Variants in GIMAP8 observed in about 807,000 individuals in gnomAD.
GIMAP8 encodes GTPase, IMAP family member 8.
Under a neutral mutation model 35.6 loss-of-function variants are expected in GIMAP8, and 29 were observed. The observed-to-expected ratio is 0.81, with a 90% CI of 0.61 to 1.11. GIMAP8 has a LOEUF of 1.11. Among genes scored for constraint, GIMAP8 ranks in the 50% most tolerant of loss-of-function variants. The probability of loss-of-function intolerance (pLI) is 0.00; values close to 1 mark genes in which losing one functional copy is unlikely to be tolerated. For synonymous variants in GIMAP8, 335 were observed against 308.7 expected, an observed-to-expected ratio of 1.09 and a Z score of -0.89; for missense variants, 811 against 805.0, an observed-to-expected ratio of 1.01 and a Z score of -0.09.
In GIMAP8 at chr7:150,477,529, G is replaced by C. The variant is rs1802265221; in HGVS notation, c.1747G>C (p.Asp583His). The C allele has an allele frequency of 1.2e-6, 2 of 1,614,096 alleles. No individual in the cohort carries two copies. The highest frequency in any genetic ancestry group is 1.3e-5 in the African/African-American group (1 of 74,918). The stretch of plus-strand genomic sequence containing the variant: ...TTTGGAAGACTTCATGAAGAACTCA[G>C]ATAACAAAGCCCTTCGGCGCATTTT... ...GNLEDFMKNS[D>H]NKALRRIFKK... The change falls in exon 5 of 5, where the codon GAT becomes CAT. Residue 583 changes from aspartate (D) to histidine (H), a missense_variant. Asp to His is a moderately conservative substitution (Grantham distance 81). Coordinates refer to ENST00000307271, the MANE Select transcript of GIMAP8 (RefSeq NM_175571.4).
chr7:150,468,804 A>G (rs1469669588), intron 2 of GIMAP8, among the ~76,000 whole-genome samples: 2 of 152,200 alleles, frequency 1.3e-5, no homozygotes, highest in Admixed American at 6.5e-5. Context: ...CTGAATGCCC[A>G]CTAAATTCCA....
intron 1 of GIMAP8, among the ~76,000 whole-genome samples, chr7:150,464,348 A>G (rs915238410): frequency 2.6e-5 from 4 of 152,212 alleles, no homozygotes; most frequent in Non-Finnish European, 5.9e-5. Context: ...ATATTTTACA[A>G]GAGAAGTTAT....
chr7:150,477,781 G>T lies in GIMAP8; in HGVS notation c.*1G>T, dbSNP rs1327843027. On this transcript the variant is annotated 3_prime_UTR_variant, in exon 5 of 5. Transcript: ENST00000307271. Reference sequence around the variant, plus strand: ...AAATTTAATAGGTATTTTACAATAGGTAGCCGAAGTGCCTGGGGTCTCTTC... The same window carrying T: ...AAATTTAATAGGTATTTTACAATAGTTAGCCGAAGTGCCTGGGGTCTCTTC... 6.2e-7 allele frequency: 1 copy of T among 1,609,414 alleles called. No homozygotes were observed. Among genetic ancestry groups the T allele is most frequent in the East Asian group, 2.2e-5 (1 of 44,844 alleles).
chr7:150,477,718 A>G lies in GIMAP8; in HGVS notation c.1936A>G (p.Asn646Asp). The change falls in exon 5 of 5, where the codon AAT (asparagine) becomes GAT (aspartate). Residue 646 changes from asparagine (N) to aspartate (D), a missense_variant. Asn to Asp is a conservative substitution (Grantham distance 23, BLOSUM62 1). Transcript: ENST00000307271. ...GGAGAACGTCAGCAAACTAATTAAAAATGTCCAGGAAATGTCCCAAGCCGA... is the reference window on the plus strand; with the variant it reads ...GGAGAACGTCAGCAAACTAATTAAAGATGTCCAGGAAATGTCCCAAGCCGA... ...TQENVSKLIK[N>D]VQEMSQAEKL... 6.2e-7 allele frequency: 1 copy of G among 1,614,144 alleles called. No individual in the cohort carries two copies. Among genetic ancestry groups the G allele is most frequent in the Non-Finnish European group, 8.5e-7 (1 of 1,180,022 alleles).
In GIMAP8 at chr7:150,451,340, G is replaced by A. The variant is rs913780598; in HGVS notation, c.-29+165G>A. On this transcript the variant is annotated intron_variant, in intron 1 of 4. Transcript: ENST00000307271. This position sits in a 1 kb window ranked among gnomAD's most constrained non-coding sequence, Gnocchi z 4.1. ...TGTGGGGGAGGATGGGCTTGGCACC[G>A]GGAAGGCAGCCTGCTCAGCCATGGG... Among the ~76,000 whole-genome samples, 3 of 152,184 alleles carry A rather than the reference G, an allele frequency of 2.0e-5. No homozygotes were observed. The highest frequency in any genetic ancestry group is 4.4e-5 in the Non-Finnish European group (3 of 68,024).
At position 150,478,525 on chromosome 7, in the gene GIMAP8, T is replaced by C. The variant is rs1802294811; in HGVS notation, c.*745T>C. ...TAGTAAGATTGCCAAAATCAGAGAATCTTGCAAAGTTCTGTAATTCTAAGT... is the reference window on the plus strand; with the variant it reads ...TAGTAAGATTGCCAAAATCAGAGAACCTTGCAAAGTTCTGTAATTCTAAGT... On this transcript the variant is annotated 3_prime_UTR_variant, in exon 5 of 5. Transcript: ENST00000307271. 1 of 152,206 alleles carries C rather than the reference T, an allele frequency of 6.6e-6. No homozygotes were observed. Among genetic ancestry groups the C allele is most frequent in the East Asian group, 1.9e-4 (1 of 5,206 alleles). The allele number at this position is 152,206 out of a possible 1,614,324, so 9.4% of individuals were successfully genotyped here.
At chr7:150,473,435 A>G (rs1333164158) in intron 3 of GIMAP8, among the ~76,000 whole-genome samples, 1 of 150,618 alleles carries the variant, frequency 6.6e-6, no homozygotes, top group African/African-American at 2.5e-5. Context: ...CCAAAGAGAA[A>G]CACTATCCAG....
At chr7:150,468,009 A>T (rs1302757072) in intron 2 of GIMAP8, among the ~76,000 whole-genome samples, 1 of 152,170 alleles carries the variant, frequency 6.6e-6, no homozygotes, top group East Asian at 1.9e-4. Flanking sequence ...GCTTCAGAAA[A>T]GGGCTGTGCT....
At position 150,468,045 on chromosome 7, in the gene GIMAP8, C is replaced by A. The variant is rs550072051; in HGVS notation, c.636+711C>A. On this transcript the variant is annotated intron_variant, in intron 2 of 4. Coordinates refer to ENST00000307271, the MANE Select transcript of GIMAP8 (RefSeq NM_175571.4). ...GTTCACCATGCTCTTTGTACCCACACCCCAGTGTCAGCTCTGCTACCCTGG... is the reference window on the plus strand; with the variant it reads ...GTTCACCATGCTCTTTGTACCCACAACCCAGTGTCAGCTCTGCTACCCTGG... 2.0e-5 allele frequency among the ~76,000 whole-genome samples: 3 copies of A among 152,338 alleles called. No individual in the cohort carries two copies. The East Asian group carries it at 5.8e-4, about 29-fold the overall frequency.
intron 1 of GIMAP8, among the ~76,000 whole-genome samples, chr7:150,465,699 G>A (rs1477361656): frequency 6.6e-6 from 1 of 152,222 alleles, no homozygotes; most frequent in African/African-American, 2.4e-5. Context: ...GCTGGAAACA[G>A]ATTGCAAAGA....
At position 150,466,972 on chromosome 7, in the gene GIMAP8, C is replaced by G. The variant is rs903724377; in HGVS notation, c.274C>G (p.Pro92Ala). Residue 92 changes from proline to alanine, a missense_variant, in exon 2 of 5, where the codon CCC becomes GCC. Coordinates refer to ENST00000307271, the MANE Select transcript of GIMAP8 (RefSeq NM_175571.4). Reference protein sequence around the residue: ...NIQHCLELSAPSLHALLLVIA... With the variant: ...NIQHCLELSAASLHALLLVIA... The stretch of plus-strand genomic sequence containing the variant: ...CCAACACTGCTTGGAGCTCTCTGCT[C>G]CCAGCCTCCATGCTCTGCTCTTGGT... 6.2e-7 allele frequency: 1 copy of G among 1,614,096 alleles called. No homozygotes were observed. Among genetic ancestry groups the G allele is most frequent in the African/African-American group, 1.3e-5 (1 of 74,928 alleles).
In GIMAP8 at chr7:150,464,596, T is replaced by C. The variant is rs533777359; in HGVS notation, c.-28-2075T>C. Among the ~76,000 whole-genome samples, 4 of 152,184 alleles carry C rather than the reference T, an allele frequency of 2.6e-5. No individual in the cohort carries two copies. In the South Asian group the frequency reaches 6.2e-4, roughly 24 times the overall value. On this transcript the variant is annotated intron_variant, in intron 1 of 4. Transcript: ENST00000307271. ...ATAATCTGGAGGTCGAGGCAGGAGA[T>C]GACTTGAGCCCAGAAGGTTGAGGAT...
In GIMAP8 at chr7:150,451,539, A is replaced by C. The variant is rs1037044219; in HGVS notation, c.-29+364A>C. On this transcript the variant is annotated intron_variant, in intron 1 of 4. Coordinates refer to ENST00000307271, the MANE Select transcript of GIMAP8 (RefSeq NM_175571.4). This position sits in a 1 kb window ranked among gnomAD's most constrained non-coding sequence, Gnocchi z 4.1. ...CTATGAGAGTGGCTGTCCTAAAAGA[A>C]GGCGTGTCGGGGAGTGGGTGTGAGC... Among the ~76,000 whole-genome samples, 10 of 152,232 alleles carry C rather than the reference A, an allele frequency of 6.6e-5. No homozygotes were observed. In the East Asian group the frequency reaches 1.9e-3, roughly 29 times the overall value.
At chr7:150,464,062 A>G (rs1171727404) in intron 1 of GIMAP8, among the ~76,000 whole-genome samples, 1 of 152,194 alleles carries the variant, frequency 6.6e-6, no homozygotes, top group Non-Finnish European at 1.5e-5. Context: ...GGCAGCAGTG[A>G]TAGGCAGGAT....
At chr7:150,459,572 G>C (rs568614208) in intron 1 of GIMAP8, among the ~76,000 whole-genome samples, 1 of 152,144 alleles carries the variant, frequency 6.6e-6, no homozygotes, top group Admixed American at 6.5e-5. Flanking sequence ...ATGCTGATCC[G>C]GAGCATATAG....
intron 1 of GIMAP8, among the ~76,000 whole-genome samples, chr7:150,456,820 T>C (rs1801740497): frequency 6.6e-6 from 1 of 152,232 alleles, no homozygotes; most frequent in Non-Finnish European, 1.5e-5. Flanking sequence ...GCCTACCTCA[T>C]ACTATACACA....
In GIMAP8 at chr7:150,477,360, A is replaced by G. The variant is rs1251607962; in HGVS notation, c.1578A>G (p.Thr526=). 1 of 1,614,180 alleles carries G rather than the reference A, an allele frequency of 6.2e-7. No individual in the cohort carries two copies. The highest frequency in any genetic ancestry group is 8.5e-7 in the Non-Finnish European group (1 of 1,180,040). The stretch of plus-strand genomic sequence containing the variant: ...TGTCCTGCTGTGAAAAAGGGGACAC[A>G]TTTTTTGTCCTGGTGTTCCAGCTGG... The part of the protein sequence containing the change: ...RCLSCCEKGD[T]FFVLVFQLGR... The change falls in exon 5 of 5, where the codon ACA becomes ACG. Residue 526 remains threonine (T), a synonymous_variant. Transcript: ENST00000307271.
At position 150,472,911 on chromosome 7, in the gene GIMAP8, C is replaced by T. The variant is rs1276038258; in HGVS notation, c.683-1101C>T. Among the ~76,000 whole-genome samples, 1 of 152,200 alleles carries T rather than the reference C, an allele frequency of 6.6e-6. No homozygotes were observed. Among genetic ancestry groups the T allele is most frequent in the African/African-American group, 2.4e-5 (1 of 41,460 alleles). On this transcript the variant is annotated intron_variant, in intron 3 of 4. Transcript: ENST00000307271. The surrounding 1 kb of genome is among the most constrained non-coding windows in gnomAD (Gnocchi z 4.1). ...CTCAAGTTCTTCCTTAACTGTGAAG[C>T]CTTCCATGCACACTTCCGTGCTAGT... is the stretch of plus-strand genomic sequence containing the variant.
intron 1 of GIMAP8, among the ~76,000 whole-genome samples, chr7:150,459,271 C>G (rs966479983): frequency 1.3e-5 from 2 of 152,132 alleles, no homozygotes; most frequent in African/African-American, 4.8e-5. Context: ...ATCACCCCAC[C>G]CAATACCAAA....
Sources: gnomAD v4.1 joint callset for allele counts (sites outside exome capture counted in the v4.1 genomes callset) on GRCh38, gnomAD v4.1.1 for gene constraint, Gnocchi (gnomAD v3.1) non-coding constraint, MANE v1.5 for transcripts, NCBI Gene and HGNC (gene_info 2026-07-23, HGNC 2026-07-21) for gene names.